The following TSC22D1 variants were observed in gnomAD, a reference collection of about 807,000 sequenced individuals.
The protein encoded by TSC22D1 is TSC22 domain family protein 1.
A neutral mutation model predicts 74.2 loss-of-function variants in TSC22D1; 9 were observed. The ratio of observed to expected loss-of-function variants is 0.12; its 90% CI spans 0.07 to 0.21. The LOEUF (loss-of-function observed/expected upper bound fraction) is 0.21. Ranked by LOEUF, TSC22D1 falls within the 10% of genes least tolerant of loss-of-function variation. The pLI is 1.00. For missense variants in TSC22D1, 1,427 were observed against 1,304.7 expected (o/e 1.09, Z -1.44); for synonymous variants, 586 against 492.5 (o/e 1.19, Z -2.51).
Position 44,485,740 on chromosome 13 carries a change from G to C in TSC22D1, c.2913-49645C>G, listed in dbSNP as rs537301795. 3.0e-4 allele frequency among the ~76,000 whole-genome samples: 46 copies of C among 152,106 alleles called. No homozygotes were observed. The South Asian group carries it at 7.9e-3, about 26-fold the overall frequency. ...GTCTGAGTTACAAGAAAGAACAGTA[G>C]GCAAAGAAACTGGTAAACCTGTGGG... On this transcript the variant is annotated intron_variant, in intron 1 of 2. Coordinates refer to ENST00000458659, the MANE Select transcript of TSC22D1 (RefSeq NM_183422.4).
At chr13:44,517,857 ATTTTT>A (rs71070912) in intron 1 of TSC22D1, among the ~76,000 whole-genome samples, 28 of 16,162 alleles carry the variant, frequency 1.7e-3, no homozygotes, top group African/African-American at 4.7e-3. Flanking sequence ...ATATATATAT[ATTTTT>A]TTTTTTTTTT....
intron 1 of TSC22D1, among the ~76,000 whole-genome samples, chr13:44,496,005 CT>C (rs1279821981): frequency 3.3e-5 from 5 of 152,064 alleles, no homozygotes; most frequent in African/African-American, 4.8e-5. Context: ...AAAATTAAAC[CT>C]TTTGTACATC....
In TSC22D1 at chr13:44,433,269, C is replaced by A. The variant is rs1874206827; in HGVS notation, c.*1357G>T. The A allele has an allele frequency of 6.6e-6, 1 of 152,272 alleles. No individual in the cohort carries two copies. The highest frequency in any genetic ancestry group is 1.5e-5 in the Non-Finnish European group (1 of 68,076). 9.4% of individuals were successfully genotyped at this position (152,272 alleles called of 1,614,324 possible). On this transcript the variant is annotated 3_prime_UTR_variant, in exon 3 of 3. Coordinates refer to ENST00000458659, the MANE Select transcript of TSC22D1 (RefSeq NM_183422.4). ...ATCTCTTTCAAACCCCTACATCCGT[C>A]CAGGAGTGAAGCAACCTGTCCAAGT...
At chr13:44,556,252 A>G (rs991729735) in intron 1 of TSC22D1, among the ~76,000 whole-genome samples, 5 of 151,402 alleles carry the variant, frequency 3.3e-5, no homozygotes, top group Middle Eastern at 3.2e-3. Flanking sequence ...CACCACCACC[A>G]CCATCTCTTG....
intron 1 of TSC22D1, chr13:44,537,149 T>G: frequency 1.1e-6 from 1 of 879,090 alleles, no homozygotes; most frequent in Non-Finnish European, 1.4e-6. Context: ...TATCACATAA[T>G]ACAGATATTA....
Position 44,434,078 on chromosome 13 carries a change from GAAGA to G in TSC22D1, c.*544_*547del, listed in dbSNP as rs528819166. On this transcript the variant is annotated 3_prime_UTR_variant, in exon 3 of 3. Coordinates refer to ENST00000458659, the MANE Select transcript of TSC22D1 (RefSeq NM_183422.4). ...TAGTTTTGTGTCATCCATTGTTTGA[GAAGA>G]AAGAGGCACAGTACTATTGTTTTTT... The G allele has an allele frequency of 7.4e-4, 1,123 of 1,527,650 alleles. 4 individuals carry two copies. The highest frequency in any genetic ancestry group is 9.5e-4 in the South Asian group (78 of 81,844). 94.6% of individuals were successfully genotyped at this position (1,527,650 alleles called of 1,614,324 possible).
intron 1 of TSC22D1, among the ~76,000 whole-genome samples, chr13:44,546,682 T>C (rs1411566187): frequency 1.3e-5 from 2 of 152,056 alleles, no homozygotes; most frequent in Admixed American, 1.3e-4. Context: ...TTCTGTACTA[T>C]GGTTATACAT....
At position 44,434,519 on chromosome 13, in the gene TSC22D1, C is replaced by T; in HGVS notation, c.*107G>A. 6 of 1,458,378 alleles carry T rather than the reference C, an allele frequency of 4.1e-6. No individual in the cohort carries two copies. Among genetic ancestry groups the T allele is most frequent in the African/African-American group, 2.8e-5 (2 of 70,258 alleles). The allele number at this position is 1,458,378 out of a possible 1,614,324, so 90.3% of individuals were successfully genotyped here. Reference sequence around the variant, plus strand: ...GCATATGTCAGTCTCACGTCTCTTTCGCAGCGAGCAATGAAATGGGTGACT... The same window carrying T: ...GCATATGTCAGTCTCACGTCTCTTTTGCAGCGAGCAATGAAATGGGTGACT... On this transcript the variant is annotated 3_prime_UTR_variant, in exon 3 of 3. Coordinates refer to ENST00000458659, the MANE Select transcript of TSC22D1 (RefSeq NM_183422.4).
At chr13:44,452,473 T>G (rs966596671) in intron 1 of TSC22D1, 100 of 152,260 alleles carry the variant, frequency 6.6e-4, no homozygotes, top group African/African-American at 2.2e-3. Flanking sequence ...TATTTGCCAG[T>G]GCTCCCAGAG....
At chr13:44,495,295 G>GAAAAAAAAAAAAA (rs34584059) in intron 1 of TSC22D1, among the ~76,000 whole-genome samples, 1 of 90,498 alleles carries the variant, frequency 1.1e-5, no homozygotes, top group African/African-American at 4.2e-5. Flanking sequence ...AAATGCTAAG[G>GAAAAAAAAAAAAA]AAAAAAAAAA....
rs71070912 is a variant in TSC22D1, at chr13:44,517,857, A to ATTTTTT, written c.2912+55300_2912+55305dup. Among the ~76,000 whole-genome samples the ATTTTTT allele has an allele frequency of 1.8e-3, 29 of 16,170 alleles. 6 individuals are homozygous for ATTTTTT. Among genetic ancestry groups the ATTTTTT allele is most frequent in the Non-Finnish European group, 2.5e-3 (18 of 7,182 alleles). The allele number at this position is 16,170 out of a possible 152,430, so 10.6% of individuals were successfully genotyped here. A position where few individuals can be genotyped will look rare whatever the true frequency, so the allele number is the denominator to read the frequency against. Reference sequence around the variant, plus strand: ...TATATATATATATATATATATATATATTTTTTTTTTTTTTTTTTTTTTAAC... The same window carrying ATTTTTT: ...TATATATATATATATATATATATATATTTTTTTTTTTTTTTTTTTTTTTTTTTTAAC... On this transcript the variant is annotated intron_variant, in intron 1 of 2. Coordinates refer to ENST00000458659, the MANE Select transcript of TSC22D1 (RefSeq NM_183422.4).
chr13:44,551,395 T>TGTGGGTGTGG (rs1566169582), intron 1 of TSC22D1, among the ~76,000 whole-genome samples: 2 of 122,548 alleles, frequency 1.6e-5, no homozygotes, highest in Non-Finnish European at 3.2e-5. Context: ...GATGGGTGTG[T>TGTGGGTGTGG]GTGTGTGTGT....
chr13:44,433,782 C>T lies in TSC22D1; in HGVS notation c.*844G>A, dbSNP rs1016266101. On this transcript the variant is annotated 3_prime_UTR_variant, in exon 3 of 3. Coordinates refer to ENST00000458659, the MANE Select transcript of TSC22D1 (RefSeq NM_183422.4). ...TTCAGCAGCTAGATTTCAGATTACA[C>T]AAAGTGAGTAACTGTGCCAAATTCT... 1.9e-6 allele frequency: 1 copy of T among 526,890 alleles called. No individual in the cohort carries two copies. The highest frequency in any genetic ancestry group is 3.2e-6 in the Non-Finnish European group (1 of 309,172). 32.6% of individuals were successfully genotyped at this position (526,890 alleles called of 1,614,324 possible).
chr13:44,526,975 G>A (rs1326655147), intron 1 of TSC22D1, among the ~76,000 whole-genome samples: 7 of 152,036 alleles, frequency 4.6e-5, no homozygotes, highest in African/African-American at 1.7e-4. Flanking sequence ...TACCTATTGA[G>A]GAACAAGGAT....
intron 1 of TSC22D1, chr13:44,437,206 G>A (rs2138854709): frequency 2.0e-6 from 2 of 985,568 alleles, no homozygotes; most frequent in Non-Finnish European, 2.4e-6. Context: ...GGTCCCCGGA[G>A]CTGTGTCCCG....
intron 1 of TSC22D1, chr13:44,451,534 C>T (rs774443742): frequency 2.0e-5 from 3 of 152,158 alleles, no homozygotes; most frequent in Admixed American, 6.5e-5. Flanking sequence ...CCAAAATTAA[C>T]TGGAAAGCGA....
intron 1 of TSC22D1, among the ~76,000 whole-genome samples, chr13:44,446,123 T>C (rs982498144): frequency 2.0e-5 from 3 of 152,142 alleles, no homozygotes; most frequent in Non-Finnish European, 4.4e-5. Context: ...GTCACTCAAC[T>C]GGAGAAAAGA....
chr13:44,473,074 C>G (rs747636654), intron 1 of TSC22D1, among the ~76,000 whole-genome samples: 1 of 152,150 alleles, frequency 6.6e-6, no homozygotes, highest in South Asian at 2.1e-4. Context: ...CTTTTTAAAA[C>G]GGAATTGCAG....
rs760036865 is a variant in TSC22D1, at chr13:44,573,881, T to A, written c.2194A>T (p.Ile732Phe). 3.7e-6 allele frequency: 6 copies of A among 1,614,070 alleles called. No individual in the cohort carries two copies. Among genetic ancestry groups the A allele is most frequent in the Non-Finnish European group, 5.1e-6 (6 of 1,180,046 alleles). ...GTAGGTATGTTTGCTTGCTGACCAA[T>A]ATTTGCAATCTGACTGCCAGTAGGT... ...AVPTGSQIAN[I>F]GQQANIPTAV... The change falls in exon 1 of 3, where the codon ATT becomes TTT. Residue 732 changes from isoleucine (I) to phenylalanine (F), a missense_variant. Ile to Phe is a conservative substitution (Grantham distance 21). This residue lies in a region of TSC22D1 where 1,343 missense variants were observed against 1,191.5 expected (regional missense o/e 1.13). Coordinates refer to ENST00000458659, the MANE Select transcript of TSC22D1 (RefSeq NM_183422.4).
Sources: gnomAD v4.1 joint callset for allele counts (sites outside exome capture counted in the v4.1 genomes callset) on GRCh38, gnomAD v4.1.1 for gene constraint, gnomAD v4.1.1 regional missense constraint, MANE v1.5 for transcripts, NCBI Gene and HGNC (gene_info 2026-07-23, HGNC 2026-07-21) for gene names.